CRTC3: variants seen among roughly 807,000 people sequenced by gnomAD.
CRTC3 encodes the protein CREB regulated transcription coactivator 3, also known as CREB-regulated transcription coactivator 3.
Under a neutral mutation model 74.5 loss-of-function variants are expected in CRTC3, and 26 were observed. That is an observed-to-expected ratio of 0.35 (90% CI 0.26 to 0.48). The LOEUF (loss-of-function observed/expected upper bound fraction) is 0.48, where lower values mean the gene tolerates loss of function less well. CRTC3 is among the 20% of genes least tolerant of loss of function. The pLI, the probability that CRTC3 is intolerant of heterozygous loss-of-function variation, is 0.99. For missense variants in CRTC3, 760 were observed against 787.3 expected (o/e 0.97, Z 0.41); for synonymous variants, 377 against 325.8 (o/e 1.16, Z -1.69).
At chr15:90,538,888 G>C (rs1251247359) in intron 1 of CRTC3, among the ~76,000 whole-genome samples, 7 of 151,954 alleles carry the variant, frequency 4.6e-5, no homozygotes, top group Non-Finnish European at 1.0e-4. Flanking sequence ...CCGTGGCTCA[G>C]CCTCCTGCTA....
intron 2 of CRTC3, among the ~76,000 whole-genome samples, chr15:90,564,566 C>T (rs1967082305): frequency 2.0e-5 from 3 of 152,086 alleles, no homozygotes; most frequent in Non-Finnish European, 4.4e-5. Flanking sequence ...GAGACTAGTC[C>T]CTGCAGTTAC....
intron 6 of CRTC3, among the ~76,000 whole-genome samples, chr15:90,612,025 CACTCCT>C (rs1968368541): frequency 1.3e-5 from 1 of 76,550 alleles, no homozygotes; most frequent in African/African-American, 5.2e-5. Context: ...AACCACCCCC[CACTCCT>C]CCTCCTCCTC....
At position 90,644,800 on chromosome 15, in the gene CRTC3, C is replaced by T. The variant is rs1273707714; in HGVS notation, c.*2660C>T. 4.3e-6 allele frequency: 1 copy of T among 232,388 alleles called. No homozygotes were observed. Among genetic ancestry groups the T allele is most frequent in the African/African-American group, 2.2e-5 (1 of 45,304 alleles). 14.4% of individuals were successfully genotyped at this position (232,388 alleles called of 1,614,324 possible). A position where few individuals can be genotyped will look rare whatever the true frequency, so the allele number is the denominator to read the frequency against. On this transcript the variant is annotated 3_prime_UTR_variant, in exon 15 of 15. Transcript: ENST00000268184. ...CAGTTGTGGTCCTCAGCATTTGAAG[C>T]AGCTGCATACTTCAGAGTAAACTAT...
At chr15:90,540,186 A>G in intron 2 of CRTC3, 49 bp downstream of exon 2, 1 of 1,244,544 alleles carries the variant, frequency 8.0e-7, no homozygotes, top group African/African-American at 1.5e-5. Flanking sequence ...TGTAAAAAAT[A>G]GACAAAGATT....
chr15:90,580,360 G>A (rs1285602273), intron 2 of CRTC3, among the ~76,000 whole-genome samples: 1 of 152,026 alleles, frequency 6.6e-6, no homozygotes, highest in Non-Finnish European at 1.5e-5. Context: ...GTAGGCAAAA[G>A]TGGGGACTTG....
chr15:90,625,327 G>A (rs757394319), intron 9 of CRTC3, among the ~76,000 whole-genome samples: 3 of 152,158 alleles, frequency 2.0e-5, no homozygotes, highest in Non-Finnish European at 4.4e-5. Context: ...ACATCTCTTT[G>A]TCACTTTAAA....
chr15:90,569,399 A>G (rs970502000), intron 2 of CRTC3, among the ~76,000 whole-genome samples: 2 of 146,694 alleles, frequency 1.4e-5, no homozygotes, highest in African/African-American at 5.0e-5. Context: ...GACTCCCTGC[A>G]GCCTCTGCCT....
intron 5 of CRTC3, among the ~76,000 whole-genome samples, 193 bp downstream of exon 5, chr15:90,604,640 C>T (rs914205939): frequency 6.6e-6 from 1 of 152,050 alleles, no homozygotes; most frequent in African/African-American, 2.4e-5. Context: ...GATGAGACTC[C>T]CAGGGTTTGC....
In CRTC3 at chr15:90,642,175, C is replaced by T. The variant is rs1969473734; in HGVS notation, c.*35C>T. ...AGTGGAACAGAAGAATGTTTTTCTGCAACAGCCAAAATAGAATGGAATAGA... is the reference window on the plus strand; with the variant it reads ...AGTGGAACAGAAGAATGTTTTTCTGTAACAGCCAAAATAGAATGGAATAGA... On this transcript the variant is annotated 3_prime_UTR_variant, in exon 15 of 15. Coordinates refer to ENST00000268184, the MANE Select transcript of CRTC3 (RefSeq NM_022769.5). 6.4e-7 allele frequency: 1 copy of T among 1,570,624 alleles called. No individual in the cohort carries two copies. Among genetic ancestry groups the T allele is most frequent in the East Asian group, 2.2e-5 (1 of 44,642 alleles).
intron 2 of CRTC3, among the ~76,000 whole-genome samples, chr15:90,544,030 A>T (rs1004852888): frequency 3.9e-5 from 6 of 152,172 alleles, no homozygotes; most frequent in Non-Finnish European, 8.8e-5. Context: ...GGCTGCTGTA[A>T]CAAAGTACCA....
chr15:90,622,599 G>A (rs948747158), intron 9 of CRTC3, among the ~76,000 whole-genome samples: 29 of 152,046 alleles, frequency 1.9e-4, no homozygotes, highest in African/African-American at 6.0e-4. Flanking sequence ...GCCTGTAATC[G>A]CAGCACTTTG....
At chr15:90,544,264 G>T (rs541726918) in intron 2 of CRTC3, among the ~76,000 whole-genome samples, 1 of 152,260 alleles carries the variant, frequency 6.6e-6, no homozygotes, top group African/African-American at 2.4e-5. Context: ...TTGTTTGTCT[G>T]TGTCTGTGTT....
chr15:90,619,896 A>G, intron 9 of CRTC3, 106 bp downstream of exon 9: 1 of 904,042 alleles, frequency 1.1e-6, no homozygotes, highest in East Asian at 2.5e-5. Flanking sequence ...CTTGCTATGC[A>G]TAAATTGAAA....
chr15:90,641,312 C>T, intron 14 of CRTC3, 113 bp downstream of exon 14: 1 of 745,370 alleles, frequency 1.3e-6, no homozygotes, highest in South Asian at 1.7e-5. Context: ...AGTTAACGTT[C>T]CCTGGGTCGA....
At chr15:90,559,138 A>G (rs145743734) in intron 2 of CRTC3, among the ~76,000 whole-genome samples, 1 of 152,228 alleles carries the variant, frequency 6.6e-6, no homozygotes, top group East Asian at 1.9e-4. Flanking sequence ...TCACTGCTGT[A>G]TTTCCAAAGT....
intron 2 of CRTC3, among the ~76,000 whole-genome samples, chr15:90,553,560 G>A (rs1308270873): frequency 6.6e-6 from 1 of 152,166 alleles, no homozygotes; most frequent in Non-Finnish European, 1.5e-5. Flanking sequence ...CTGGGATAAA[G>A]CCTTTGTTTG....
chr15:90,609,421 T>C (rs1842781387), intron 6 of CRTC3, among the ~76,000 whole-genome samples: 1 of 152,090 alleles, frequency 6.6e-6, no homozygotes, highest in Admixed American at 6.5e-5. Context: ...CTGTAATCAG[T>C]GGGGGTGCCT....
intron 13 of CRTC3, among the ~76,000 whole-genome samples, chr15:90,640,315 TC>T (rs1318564853): frequency 1.3e-5 from 2 of 152,320 alleles, no homozygotes; most frequent in East Asian, 3.9e-4. Context: ...AGAGGCTTTC[TC>T]ATAGGGAGGA....
At chr15:90,632,090 G>A (rs897207076) in intron 11 of CRTC3, among the ~76,000 whole-genome samples, 173 of 101,766 alleles carry the variant, frequency 1.7e-3, no homozygotes, top group African/African-American at 6.1e-3. Context: ...TTTTTTTTTT[G>A]TAGAGATGGG....
Sources: gnomAD v4.1 joint callset for allele counts (sites outside exome capture counted in the v4.1 genomes callset) on GRCh38, gnomAD v4.1.1 for gene constraint, MANE v1.5 for transcripts, NCBI Gene and HGNC (gene_info 2026-07-23, HGNC 2026-07-21) for gene names.